Variants in SLC39A11 observed in about 807,000 individuals in gnomAD.
SLC39A11 encodes the protein zinc transporter ZIP11.
SLC39A11 carries 33 observed loss-of-function variants against 36.1 expected under a neutral mutation model. The ratio of observed to expected loss-of-function variants is 0.91; its 90% CI spans 0.69 to 1.22. The LOEUF is 1.22. Ranked by LOEUF, SLC39A11 falls within the 50% of genes most tolerant of loss-of-function variation. The probability of loss-of-function intolerance (pLI) is 0.00; values close to 1 mark genes in which losing one functional copy is unlikely to be tolerated. For synonymous variants in SLC39A11, 166 were observed against 170.3 expected (o/e 0.97, Z 0.20); for missense variants, 432 against 430.3 (o/e 1.00, Z -0.03).
rs2084170908 is a variant in SLC39A11 at position 72,928,211 on chromosome 17, C to T, written c.430+19541G>A. Among the ~76,000 whole-genome samples the T allele has an allele frequency of 2.0e-5, 3 of 152,208 alleles. No individual in the cohort carries two copies. The South Asian group carries it at 6.2e-4, about 32-fold the overall frequency. Reference sequence around the variant, plus strand: ...GTAATTGTTGGTTTTACATGTCTGTCTCTTCCTGGGCTTAGTGAAGGCAGA... The same window carrying T: ...GTAATTGTTGGTTTTACATGTCTGTTTCTTCCTGGGCTTAGTGAAGGCAGA... On this transcript the variant is annotated intron_variant, in intron 5 of 9. Transcript: ENST00000255559.
chr17:72,739,901 T>C (rs572884718), intron 6 of SLC39A11, among the ~76,000 whole-genome samples: 2 of 152,186 alleles, frequency 1.3e-5, no homozygotes, highest in African/African-American at 2.4e-5. Context: ...ATGTTACTAA[T>C]AGTCTAATAT....
intron 4 of SLC39A11, among the ~76,000 whole-genome samples, chr17:72,986,445 A>C (rs925152287): frequency 1.3e-5 from 2 of 152,220 alleles, no homozygotes; most frequent in African/African-American, 2.4e-5. Context: ...TCAGAACATC[A>C]GAAAGTCGAG....
At position 73,044,690 on chromosome 17, in the gene SLC39A11, G is replaced by A. The variant is rs1019003822; in HGVS notation, c.148-12976C>T. ...GGAGTTCAAGACCAGCCTGGCCAATGTGGTAAAACCTCACCTCTACAAAAA... is the reference window on the plus strand; with the variant it reads ...GGAGTTCAAGACCAGCCTGGCCAATATGGTAAAACCTCACCTCTACAAAAA... On this transcript the variant is annotated intron_variant, in intron 3 of 9. Transcript: ENST00000255559. 2.6e-5 allele frequency among the ~76,000 whole-genome samples: 4 copies of A among 152,068 alleles called. No individual in the cohort carries two copies. In the East Asian group the frequency reaches 7.7e-4, roughly 29 times the overall value.
chr17:72,934,127 G>C (rs1425738684), intron 5 of SLC39A11, among the ~76,000 whole-genome samples: 1 of 140,858 alleles, frequency 7.1e-6, no homozygotes, highest in African/African-American at 2.6e-5. Flanking sequence ...AAAACTTTTA[G>C]AAAAAAAAAA....
chr17:72,945,240 C>T (rs1474823403), intron 5 of SLC39A11, among the ~76,000 whole-genome samples: 1 of 152,174 alleles, frequency 6.6e-6, no homozygotes, highest in Non-Finnish European at 1.5e-5. Flanking sequence ...CTCAGGCTGC[C>T]GTCACTGCTG....
In SLC39A11 at chr17:72,646,311, C is replaced by T. The variant is rs571564573; in HGVS notation, c.*1273G>A. On this transcript the variant is annotated 3_prime_UTR_variant, in exon 10 of 10. Coordinates refer to ENST00000255559, the MANE Select transcript of SLC39A11 (RefSeq NM_139177.4). ...GGCTGCCTTCCTTCTCAGCAGAGCC[C>T]ACTGAAAGTCTCACGTGTGCCTTTA... 1 of 152,672 alleles carries T rather than the reference C, an allele frequency of 6.5e-6. No individual in the cohort carries two copies. The highest frequency in any genetic ancestry group is 1.5e-5 in the Non-Finnish European group (1 of 68,042). 9.5% of individuals were successfully genotyped at this position (152,672 alleles called of 1,614,324 possible). A position where few individuals can be genotyped will look rare whatever the true frequency, so the allele number is the denominator to read the frequency against.
At chr17:72,765,720 G>T (rs1280255415) in intron 6 of SLC39A11, among the ~76,000 whole-genome samples, 1 of 152,164 alleles carries the variant, frequency 6.6e-6, no homozygotes, top group Non-Finnish European at 1.5e-5. Flanking sequence ...TCAGGTCAAT[G>T]GCGAGGTGGC....
chr17:72,962,812 C>G (rs2086699925), intron 4 of SLC39A11, among the ~76,000 whole-genome samples: 1 of 152,224 alleles, frequency 6.6e-6, no homozygotes, highest in Non-Finnish European at 1.5e-5. Flanking sequence ...GCTGGGATTA[C>G]AGGCGTGAGC....
At chr17:73,075,970 A>T (rs2060306031) in intron 3 of SLC39A11, among the ~76,000 whole-genome samples, 1 of 152,224 alleles carries the variant, frequency 6.6e-6, no homozygotes, top group Non-Finnish European at 1.5e-5. Flanking sequence ...TTCTTATAAA[A>T]TTAAATTAGT....
chr17:72,762,602 A>C (rs1039539749), intron 6 of SLC39A11, among the ~76,000 whole-genome samples: 4 of 152,196 alleles, frequency 2.6e-5, no homozygotes, highest in East Asian at 1.9e-4. Context: ...TTATTCCTTT[A>C]CTTTCTTATT....
chr17:72,826,889 T>C (rs1477376696), intron 6 of SLC39A11, among the ~76,000 whole-genome samples: 3 of 152,172 alleles, frequency 2.0e-5, no homozygotes, highest in Admixed American at 1.3e-4. Flanking sequence ...AACCCTCCTA[T>C]ATTGCTGATA....
intron 7 of SLC39A11, among the ~76,000 whole-genome samples, chr17:72,705,815 A>G (rs887158697): frequency 6.6e-6 from 1 of 152,174 alleles, no homozygotes; most frequent in East Asian, 1.9e-4. Flanking sequence ...GTACAATTCC[A>G]TCTCTTTGTA....
At chr17:73,035,570 G>A (rs2058880209) in intron 3 of SLC39A11, among the ~76,000 whole-genome samples, 1 of 152,176 alleles carries the variant, frequency 6.6e-6, no homozygotes, top group East Asian at 1.9e-4. Context: ...TGGAGATGGG[G>A]AGATGATACT....
intron 4 of SLC39A11, among the ~76,000 whole-genome samples, chr17:73,009,432 T>C (rs543412959): frequency 2.0e-5 from 3 of 150,904 alleles, no homozygotes; most frequent in African/African-American, 7.3e-5. Flanking sequence ...AACACAATGC[T>C]AAATGAAAGA....
chr17:72,858,722 T>A (rs369235969), intron 5 of SLC39A11, among the ~76,000 whole-genome samples: 1 of 152,226 alleles, frequency 6.6e-6, no homozygotes, highest in Non-Finnish European at 1.5e-5. Context: ...TCCTAGGTAT[T>A]GTATTCTTCT....
chr17:73,069,763 A>G lies in SLC39A11; in HGVS notation c.147+15045T>C, dbSNP rs964730957. Among the ~76,000 whole-genome samples, 61 of 152,228 alleles carry G rather than the reference A, an allele frequency of 4.0e-4. 1 individual carries two copies. Among genetic ancestry groups the G allele is most frequent in the Non-Finnish European group, 4.4e-5 (3 of 68,040 alleles). Reference sequence around the variant, plus strand: ...CTCAGGGTATCTTTCAAAAGAATTGATACTCAGTAAGTGCTTTTTCATGTG... The same window carrying G: ...CTCAGGGTATCTTTCAAAAGAATTGGTACTCAGTAAGTGCTTTTTCATGTG... On this transcript the variant is annotated intron_variant, in intron 3 of 9. Transcript: ENST00000255559.
At chr17:72,884,649 A>G (rs1195210102) in intron 5 of SLC39A11, among the ~76,000 whole-genome samples, 1 of 152,242 alleles carries the variant, frequency 6.6e-6, no homozygotes, top group Non-Finnish European at 1.5e-5. Flanking sequence ...ACTGGCAGGA[A>G]AGCTCTGGGA....
intron 3 of SLC39A11, among the ~76,000 whole-genome samples, chr17:73,051,506 A>C (rs1351647028): frequency 6.6e-6 from 1 of 151,424 alleles, no homozygotes; most frequent in African/African-American, 2.4e-5. Flanking sequence ...CTGAGAAGAG[A>C]CACAGTGAAG....
intron 7 of SLC39A11, among the ~76,000 whole-genome samples, chr17:72,651,189 C>T (rs958739258): frequency 2.6e-5 from 4 of 152,144 alleles, no homozygotes; most frequent in Non-Finnish European, 5.9e-5. Flanking sequence ...AGTGCCCATC[C>T]CTTTTTGACA....
Sources: gnomAD v4.1 joint callset for allele counts (sites outside exome capture counted in the v4.1 genomes callset) on GRCh38, gnomAD v4.1.1 for gene constraint, MANE v1.5 for transcripts, NCBI Gene and HGNC (gene_info 2026-07-23, HGNC 2026-07-21) for gene names.